JMJD1C: variants seen among roughly 807,000 people sequenced by gnomAD.
JMJD1C encodes the protein jumonji domain containing 1C.
A neutral mutation model predicts 245.3 loss-of-function variants in JMJD1C; 31 were observed. The observed-to-expected ratio is 0.13, with a 90% CI of 0.09 to 0.17. The LOEUF is 0.17. JMJD1C is among the 10% of genes least tolerant of loss of function. The probability of loss-of-function intolerance (pLI) is 1.00; values close to 1 mark genes in which losing one functional copy is unlikely to be tolerated. For missense variants in JMJD1C, 2,691 were observed against 3,000.2 expected (o/e 0.90, Z 2.41); for synonymous variants, 1,057 against 1,017.4 (o/e 1.04, Z -0.74).
intron 3 of JMJD1C, among the ~76,000 whole-genome samples, chr10:63,246,969 C>T (rs1852287613): frequency 6.6e-6 from 1 of 151,328 alleles, no homozygotes; most frequent in South Asian, 2.1e-4. Flanking sequence ...CAGCAATAAA[C>T]ATCTATATTT....
At chr10:63,476,163 T>C (rs941967188) in intron 1 of JMJD1C, among the ~76,000 whole-genome samples, 6 of 151,534 alleles carry the variant, frequency 4.0e-5, no homozygotes, top group Non-Finnish European at 8.8e-5. Flanking sequence ...TGAGCCGAGA[T>C]TGCACCACCG....
chr10:63,240,341 T>C (rs980108307), intron 3 of JMJD1C, among the ~76,000 whole-genome samples: 2 of 151,950 alleles, frequency 1.3e-5, no homozygotes, highest in Non-Finnish European at 2.9e-5. Context: ...CAGCAAAGAC[T>C]GATTAAAAAA....
At chr10:63,325,023 A>G (rs994424890) in intron 2 of JMJD1C, among the ~76,000 whole-genome samples, 2 of 152,206 alleles carry the variant, frequency 1.3e-5, no homozygotes, top group Non-Finnish European at 2.9e-5. Flanking sequence ...AGATATATAT[A>G]GTCTAATTCT....
chr10:63,382,743 T>C, intron 1 of JMJD1C: 1 of 454,928 alleles, frequency 2.2e-6, no homozygotes, highest in South Asian at 1.6e-5. Context: ...CTGGAAGCAG[T>C]CTTCTCATCA....
At chr10:63,454,919 T>A (rs1432945560) in intron 1 of JMJD1C, among the ~76,000 whole-genome samples, 4 of 152,224 alleles carry the variant, frequency 2.6e-5, no homozygotes, top group Non-Finnish European at 5.9e-5. Context: ...CAGGTTCAGT[T>A]CTTCTTGGCA....
intron 1 of JMJD1C, among the ~76,000 whole-genome samples, chr10:63,447,849 G>A (rs1005408217): frequency 6.6e-6 from 1 of 151,942 alleles, no homozygotes; most frequent in Non-Finnish European, 1.5e-5. Flanking sequence ...TCAGGCAGGA[G>A]AATCACTTGA....
intron 3 of JMJD1C, chr10:63,223,088 T>G: frequency 1.2e-6 from 1 of 865,966 alleles, no homozygotes; most frequent in Non-Finnish European, 1.8e-6. Context: ...TATGTAAAAT[T>G]TCATAGTAAA....
intron 3 of JMJD1C, among the ~76,000 whole-genome samples, chr10:63,257,485 A>C (rs969861983): frequency 2.6e-5 from 4 of 152,208 alleles, no homozygotes; most frequent in Non-Finnish European, 4.4e-5. Context: ...TAACAAGTTC[A>C]CAGAGCTAGT....
At chr10:63,482,750 C>A (rs988042587) in intron 1 of JMJD1C, among the ~76,000 whole-genome samples, 10 of 152,208 alleles carry the variant, frequency 6.6e-5, no homozygotes, top group African/African-American at 2.4e-4. Flanking sequence ...CACTTGATCT[C>A]TCTGTGCTTT....
At chr10:63,333,780 C>A (rs1438582665) in intron 2 of JMJD1C, among the ~76,000 whole-genome samples, 3 of 152,114 alleles carry the variant, frequency 2.0e-5, no homozygotes, top group African/African-American at 7.2e-5. Context: ...TTCATTTGAG[C>A]ACTTAAAATT....
At chr10:63,513,119 A>G (rs950530262) in intron 1 of JMJD1C, among the ~76,000 whole-genome samples, 5 of 151,910 alleles carry the variant, frequency 3.3e-5, no homozygotes, top group Non-Finnish European at 5.9e-5. Context: ...TGTTAATCCT[A>G]TATTTTTTTT....
intron 1 of JMJD1C, among the ~76,000 whole-genome samples, chr10:63,420,746 A>C (rs924406316): frequency 6.0e-5 from 9 of 150,506 alleles, no homozygotes; most frequent in African/African-American, 1.9e-4. Context: ...GGAGGCTGGG[A>C]AAGAAAGAAT....
chr10:63,280,756 T>C (rs1374850493), intron 2 of JMJD1C, among the ~76,000 whole-genome samples: 1 of 152,188 alleles, frequency 6.6e-6, no homozygotes, highest in African/African-American at 2.4e-5. Flanking sequence ...CTGCTACCAC[T>C]TGTGTATATA....
chr10:63,499,959 C>T (rs184412179), intron 1 of JMJD1C, among the ~76,000 whole-genome samples: 22 of 152,300 alleles, frequency 1.4e-4, no homozygotes, highest in African/African-American at 5.1e-4. Context: ...CCTCAAAAAA[C>T]TCTACTAACA....
chr10:63,179,845 G>A (rs1448745161), intron 22 of JMJD1C, among the ~76,000 whole-genome samples: 1 of 151,546 alleles, frequency 6.6e-6, no homozygotes, highest in African/African-American at 2.4e-5. Context: ...CCATTATCTT[G>A]AGCAAAAAAA....
chr10:63,482,651 A>AAGAG (rs3083162), intron 1 of JMJD1C, among the ~76,000 whole-genome samples: 1 of 151,724 alleles, frequency 6.6e-6, no homozygotes, highest in East Asian at 1.9e-4. Flanking sequence ...AAAGAAAAAA[A>AAGAG]AGAGAGAGAG....
intron 2 of JMJD1C, among the ~76,000 whole-genome samples, chr10:63,337,624 A>AAAAAG (rs1554892788): frequency 0.1 from 6,287 of 59,946 alleles, 899 homozygotes; most frequent in Middle Eastern, 0.16. Context: ...AAAAGAAAAG[A>AAAAAG]AAAAGAAAAG....
chr10:63,401,765 T>C (rs1436777809), intron 1 of JMJD1C, among the ~76,000 whole-genome samples: 2 of 151,982 alleles, frequency 1.3e-5, no homozygotes, highest in Non-Finnish European at 1.5e-5. Context: ...ATTGGGATGG[T>C]ATGAAGAAGT....
intron 3 of JMJD1C, among the ~76,000 whole-genome samples, chr10:63,264,176 G>A (rs939717890): frequency 1.3e-5 from 2 of 151,582 alleles, no homozygotes; most frequent in African/African-American, 4.8e-5. Flanking sequence ...TTGCAATAAT[G>A]GAGAACTGAA....
Sources: allele counts gnomAD v4.1 joint callset (sites outside exome capture counted in the v4.1 genomes callset), GRCh38; gene constraint gnomAD v4.1.1; transcripts MANE v1.5; gene names NCBI Gene and HGNC (gene_info 2026-07-23, HGNC 2026-07-21).